ESRRG: variants seen among roughly 807,000 people sequenced by gnomAD.
ESRRG encodes the protein estrogen related receptor gamma.
In ESRRG, 13 loss-of-function variants were observed where a neutral mutation model predicts 44.0. The ratio of observed to expected loss-of-function variants is 0.30; its 90% CI spans 0.19 to 0.47. The LOEUF is 0.47. Ranked by LOEUF, ESRRG falls within the 20% of genes least tolerant of loss-of-function variation. The probability of loss-of-function intolerance (pLI) is 1.00; values close to 1 mark genes in which losing one functional copy is unlikely to be tolerated. For missense variants in ESRRG, 395 were observed against 580.6 expected, an observed-to-expected ratio of 0.68 and a Z score of 3.29; for synonymous variants, 215 against 214.6, an observed-to-expected ratio of 1.00 and a Z score of -0.02.
At chr1:216,735,145 G>A (rs975729279) in intron 2 of ESRRG, among the ~76,000 whole-genome samples, 2 of 151,636 alleles carry the variant, frequency 1.3e-5, no homozygotes, top group South Asian at 2.1e-4. Context: ...CTCACCTCAG[G>A]TGATCTGCCT....
chr1:216,797,023 C>G (rs1174703136), intron 2 of ESRRG, among the ~76,000 whole-genome samples: 1 of 152,014 alleles, frequency 6.6e-6, no homozygotes, highest in Admixed American at 6.6e-5. Flanking sequence ...TCCCGAGTAG[C>G]TGGGATTACA....
At chr1:217,128,298 C>T (rs1219696070) in intron 1 of ESRRG, among the ~76,000 whole-genome samples, 1 of 152,202 alleles carries the variant, frequency 6.6e-6, no homozygotes, top group Middle Eastern at 3.2e-3. Context: ...TAAGCAAAGC[C>T]TTTACATTTA....
chr1:216,783,361 A>C (rs1417920447), intron 2 of ESRRG, among the ~76,000 whole-genome samples: 1 of 152,084 alleles, frequency 6.6e-6, no homozygotes, highest in African/African-American at 2.4e-5. Context: ...TTAGCTGCAC[A>C]ATTACTAGCA....
Position 216,506,310 on chromosome 1 carries a change from C to G in ESRRG, c.*629G>C. On this transcript the variant is annotated 3_prime_UTR_variant, in exon 7 of 7. Coordinates refer to ENST00000408911, the MANE Select transcript of ESRRG (RefSeq NM_001438.4). Reference sequence around the variant, plus strand: ...CTTAGTCATTGGGGACAGTATGGTTCACAATAAGTTCACTGGCATCCATAT... The same window carrying G: ...CTTAGTCATTGGGGACAGTATGGTTGACAATAAGTTCACTGGCATCCATAT... The G allele has an allele frequency of 4.1e-6, 1 of 242,446 alleles. No homozygotes were observed. The highest frequency in any genetic ancestry group is 2.3e-5 in the African/African-American group (1 of 43,902). The allele number at this position is 242,446 out of a possible 1,614,324, so 15.0% of individuals were successfully genotyped here.
chr1:216,847,145 T>C (rs895995145), intron 2 of ESRRG, among the ~76,000 whole-genome samples: 10 of 152,030 alleles, frequency 6.6e-5, no homozygotes. Flanking sequence ...GAGTTGACAG[T>C]ACCAGTTACA....
rs2048081545 is a variant in ESRRG, at chr1:216,527,675, G to C, written c.863-8254C>G. 2.0e-5 allele frequency among the ~76,000 whole-genome samples: 3 copies of C among 152,186 alleles called. No individual in the cohort carries two copies. In the South Asian group the frequency reaches 6.2e-4, roughly 32 times the overall value. ...GCCACCTTACTCTTGGCCCTTCACT[G>C]ATCTCTCACCAAGTTTTCTCTTTTA... On this transcript the variant is annotated intron_variant, in intron 5 of 6. Transcript: ENST00000408911.
chr1:216,857,479 G>A (rs2149057557), intron 2 of ESRRG, among the ~76,000 whole-genome samples: 1 of 152,028 alleles, frequency 6.6e-6, no homozygotes, highest in South Asian at 2.1e-4. Context: ...ATTGCCTGCA[G>A]GTTTAAATTC....
At chr1:216,638,116 T>C (rs1285477387) in intron 3 of ESRRG, among the ~76,000 whole-genome samples, 1 of 152,204 alleles carries the variant, frequency 6.6e-6, no homozygotes, top group Non-Finnish European at 1.5e-5. Context: ...AAGTTGTTTA[T>C]GCTTTGCTCC....
chr1:216,913,920 A>G (rs1424674024), intron 2 of ESRRG, among the ~76,000 whole-genome samples: 1 of 152,192 alleles, frequency 6.6e-6, no homozygotes, highest in Non-Finnish European at 1.5e-5. Context: ...GGGAATTAGG[A>G]TGAGGAGAAA....
chr1:216,821,687 G>GAAAAAAAAAA (rs1251334274), intron 2 of ESRRG, among the ~76,000 whole-genome samples: 3 of 54,198 alleles, frequency 5.5e-5, no homozygotes, highest in Admixed American at 2.3e-4. Flanking sequence ...CCTGCCTCAG[G>GAAAAAAAAAA]AAAAATAAAT....
chr1:216,880,376 G>A (rs2096427434), intron 2 of ESRRG, among the ~76,000 whole-genome samples: 1 of 148,236 alleles, frequency 6.7e-6, no homozygotes, highest in African/African-American at 2.5e-5. Context: ...CTCATTTAGG[G>A]GATTGATAAC....
chr1:216,814,239 T>C (rs1045912044), intron 2 of ESRRG, among the ~76,000 whole-genome samples: 4 of 152,210 alleles, frequency 2.6e-5, no homozygotes, highest in African/African-American at 7.2e-5. Context: ...CTGACTGCAC[T>C]GTGGACATGA....
At chr1:216,517,063 T>G (rs1284802106) in intron 6 of ESRRG, among the ~76,000 whole-genome samples, 3 of 152,078 alleles carry the variant, frequency 2.0e-5, no homozygotes, top group Admixed American at 6.6e-5. Flanking sequence ...ATTCAATTGA[T>G]TTTTCTCCGT....
chr1:216,849,848 G>T (rs1238637927), intron 2 of ESRRG, among the ~76,000 whole-genome samples: 2 of 152,042 alleles, frequency 1.3e-5, no homozygotes, highest in Non-Finnish European at 2.9e-5. Flanking sequence ...AGTTTTCCCA[G>T]ACCATGTCTT....
intron 1 of ESRRG, among the ~76,000 whole-genome samples, chr1:216,709,835 A>G (rs4338427): frequency 0.019 from 2,908 of 152,272 alleles, 90 homozygotes; most frequent in African/African-American, 0.066. Context: ...AAACGAAACA[A>G]TAATTTTTTT....
intron 3 of ESRRG, among the ~76,000 whole-genome samples, chr1:216,572,858 C>G (rs530554872): frequency 1.3e-5 from 2 of 152,114 alleles, no homozygotes; most frequent in South Asian, 2.1e-4. Context: ...AAAATTCTAT[C>G]TCTATCACCA....
At chr1:217,133,611 TTC>T (rs1558297941) in intron 1 of ESRRG, among the ~76,000 whole-genome samples, 2 of 16,246 alleles carry the variant, frequency 1.2e-4, no homozygotes, top group Non-Finnish European at 3.2e-4. Context: ...CCTTTTTTCT[TTC>T]TTTCTTTCTT....
chr1:216,981,124 T>C (rs2150388027), intron 1 of ESRRG, among the ~76,000 whole-genome samples: 2 of 152,346 alleles, frequency 1.3e-5, no homozygotes, highest in East Asian at 3.9e-4. Flanking sequence ...TCATCCATGC[T>C]ACCTCTGCCC....
intron 1 of ESRRG, among the ~76,000 whole-genome samples, chr1:217,034,869 T>A (rs1018229492): frequency 1.3e-5 from 2 of 152,182 alleles, no homozygotes; most frequent in Non-Finnish European, 1.5e-5. Context: ...AATGAAATAT[T>A]ACACCGTAAA....
Sources: allele counts gnomAD v4.1 joint callset (sites outside exome capture counted in the v4.1 genomes callset), GRCh38; gene constraint gnomAD v4.1.1; transcripts MANE v1.5; gene names NCBI Gene and HGNC (gene_info 2026-07-23, HGNC 2026-07-21).